OTUD7B: variants seen among roughly 807,000 people sequenced by gnomAD.
OTUD7B encodes OTU domain-containing protein 7B.
A neutral mutation model predicts 82.2 loss-of-function variants in OTUD7B; 34 were observed. That is an observed-to-expected ratio of 0.41 (90% confidence interval 0.31 to 0.55). OTUD7B has a LOEUF of 0.55. OTUD7B is among the 20% of genes least tolerant of loss of function. The pLI, the probability that OTUD7B is intolerant of heterozygous loss-of-function variation, is 0.20. For synonymous variants in OTUD7B, 398 were observed against 402.7 expected (o/e 0.99, Z 0.14); for missense variants, 944 against 1,062.1 (o/e 0.89, Z 1.55).
At chr1:149,973,858 ATT>A (rs1220689600) in intron 2 of OTUD7B, among the ~76,000 whole-genome samples, 1 of 132,776 alleles carries the variant, frequency 7.5e-6, no homozygotes. Flanking sequence ...GCCCCTTCTA[ATT>A]TTTTTTTTTT....
At chr1:150,042,144 T>TCCC in the OTUD7B span, among the ~76,000 whole-genome samples, 42 of 74,120 alleles carry the variant, frequency 5.7e-4, no homozygotes, top group Middle Eastern at 7.6e-3. Context: ...CCTCCCTCCC[T>TCCC]TCCTTCCTCC....
At chr1:149,979,595 T>C (rs2101865981) in intron 1 of OTUD7B, among the ~76,000 whole-genome samples, 1 of 152,358 alleles carries the variant, frequency 6.6e-6, no homozygotes, top group East Asian at 1.9e-4. Context: ...TTCAACATCA[T>C]AATTATCAGA....
chr1:149,965,637 C>G, intron 5 of OTUD7B, 140 bp downstream of exon 5: 1 of 638,436 alleles, frequency 1.6e-6, no homozygotes, highest in Non-Finnish European at 2.9e-6. Flanking sequence ...CACACAGACA[C>G]ACACGTAAGC....
chr1:150,048,256 T>G, the OTUD7B span, among the ~76,000 whole-genome samples: 5 of 152,102 alleles, frequency 3.3e-5, no homozygotes, highest in African/African-American at 4.8e-5. Flanking sequence ...CGGAAATGCT[T>G]TAACCAAAAT....
In OTUD7B at chr1:149,940,656, G is replaced by A. The variant is rs1475939920; in HGVS notation, c.*3201C>T. On this transcript the variant is annotated 3_prime_UTR_variant, in exon 12 of 12. Transcript: ENST00000581312. ...AGAGATGATATCATCCCTCACTTGG[G>A]GTTAAAGGGTCTACCTTCCCCCTTC... is the stretch of plus-strand genomic sequence containing the variant. 1 of 151,942 alleles carries A rather than the reference G, an allele frequency of 6.6e-6. No individual in the cohort carries two copies. The highest frequency in any genetic ancestry group is 1.5e-5 in the Non-Finnish European group (1 of 68,000). The allele number at this position is 151,942 out of a possible 1,614,324, so 9.4% of individuals were successfully genotyped here. A position where few individuals can be genotyped will look rare whatever the true frequency, so the allele number is the denominator to read the frequency against.
At chr1:150,020,930 C>T in the OTUD7B span, among the ~76,000 whole-genome samples, 8,505 of 151,736 alleles carry the variant, frequency 0.056, 315 homozygotes, top group Non-Finnish European at 0.089. Context: ...CTTTATCTGG[C>T]CCTGTTCTGG....
chr1:150,047,003 G>A, the OTUD7B span, among the ~76,000 whole-genome samples: 63 of 152,100 alleles, frequency 4.1e-4, no homozygotes, highest in African/African-American at 1.4e-3. Context: ...CCCGGGAGGC[G>A]GAGATTGCAG....
chr1:150,041,973 T>C, the OTUD7B span, among the ~76,000 whole-genome samples: 1 of 152,200 alleles, frequency 6.6e-6, no homozygotes, highest in African/African-American at 2.4e-5. Context: ...GGTTTTGCTT[T>C]GTAATGTTTT....
At chr1:150,066,906 T>C in the OTUD7B span, 2 of 152,224 alleles carry the variant, frequency 1.3e-5, no homozygotes, top group Non-Finnish European at 2.9e-5. The surrounding 1 kb of genome is among the most constrained non-coding windows in gnomAD (Gnocchi z 4.6). Context: ...CCCACGCTAG[T>C]TTTAGTTCTA....
the OTUD7B span, among the ~76,000 whole-genome samples, chr1:150,039,133 G>A: frequency 7.2e-4 from 109 of 152,120 alleles, no homozygotes; most frequent in African/African-American, 2.5e-3. Context: ...AATAGAGCAA[G>A]TTCTTCCAGC....
At chr1:150,011,716 A>G (rs1348309168), upstream of OTUD7B, among the ~76,000 whole-genome samples, 1 of 152,230 alleles carries the variant, frequency 6.6e-6, no homozygotes, top group Non-Finnish European at 1.5e-5. Context: ...CTAACAAAAG[A>G]CATTTGAAAT....
chr1:150,022,992 G>A, the OTUD7B span, among the ~76,000 whole-genome samples: 3 of 152,332 alleles, frequency 2.0e-5, no homozygotes, highest in South Asian at 6.2e-4. Context: ...ATCACTGGCA[G>A]TGTAGAACTG....
the OTUD7B span, among the ~76,000 whole-genome samples, chr1:150,022,389 C>A: frequency 2.2e-3 from 1 of 452 alleles, no homozygotes; most frequent in African/African-American, 8.3e-3. Flanking sequence ...CAGAGCGAAA[C>A]TCTCTACAAA....
At chr1:150,024,078 A>T in the OTUD7B span, among the ~76,000 whole-genome samples, 1 of 152,204 alleles carries the variant, frequency 6.6e-6, no homozygotes, top group African/African-American at 2.4e-5. Context: ...ATTATTTCTC[A>T]ATAGAGTGCC....
the OTUD7B span, among the ~76,000 whole-genome samples, chr1:150,032,352 G>A: frequency 6.7e-6 from 1 of 150,344 alleles, no homozygotes; most frequent in Non-Finnish European, 1.5e-5. Flanking sequence ...CATGAGGCCA[G>A]GCATGGTGGC....
At chr1:150,041,420 C>T in the OTUD7B span, among the ~76,000 whole-genome samples, 11 of 152,162 alleles carry the variant, frequency 7.2e-5, 1 homozygote, top group South Asian at 1.9e-3. Flanking sequence ...GCATCCTCCG[C>T]CTCCCGCGTT....
the OTUD7B span, among the ~76,000 whole-genome samples, chr1:150,029,011 T>C: frequency 6.6e-6 from 1 of 152,226 alleles, no homozygotes; most frequent in East Asian, 1.9e-4. Flanking sequence ...GCATATTTTA[T>C]CAATTCATAT....
chr1:150,035,955 CTG>C, the OTUD7B span, among the ~76,000 whole-genome samples: 1 of 84,688 alleles, frequency 1.2e-5, no homozygotes, highest in Admixed American at 1.7e-4. Context: ...ACCATTGTAA[CTG>C]TTTTTTTTTT....
At chr1:150,021,235 G>A in the OTUD7B span, among the ~76,000 whole-genome samples, 1 of 152,104 alleles carries the variant, frequency 6.6e-6, no homozygotes, top group East Asian at 1.9e-4. Context: ...TGCTATATCA[G>A]ACAGTATTTT....
Sources: gnomAD v4.1 joint callset for allele counts (sites outside exome capture counted in the v4.1 genomes callset) on GRCh38, gnomAD v4.1.1 for gene constraint, Gnocchi (gnomAD v3.1) non-coding constraint, MANE v1.5 for transcripts, NCBI Gene and HGNC (gene_info 2026-07-23, HGNC 2026-07-21) for gene names.